VSTM5: variants seen among roughly 807,000 people sequenced by gnomAD.
The protein encoded by VSTM5 is V-set and transmembrane domain-containing protein 5.
Under a neutral mutation model 20.3 loss-of-function variants are expected in VSTM5, and 21 were observed. The observed-to-expected ratio is 1.03, with a 90% CI of 0.73 to 1.49. The LOEUF (loss-of-function observed/expected upper bound fraction) is 1.49, where lower values mean the gene tolerates loss of function less well. Among genes scored for constraint, VSTM5 ranks in the 40% most tolerant of loss-of-function variants. The pLI is 0.00. For missense variants in VSTM5, 219 were observed against 250.0 expected, an observed-to-expected ratio of 0.88 and a Z score of 0.84; for synonymous variants, 100 against 102.5, an observed-to-expected ratio of 0.98 and a Z score of 0.14.
intron 1 of VSTM5, among the ~76,000 whole-genome samples, chr11:93,838,284 C>T (rs1025674640): frequency 1.3e-5 from 2 of 152,002 alleles, no homozygotes; most frequent in African/African-American, 4.8e-5. Flanking sequence ...ACCAGCCTGG[C>T]CAATGTGGTG....
chr11:93,830,478 G>A (rs1228566999), intron 1 of VSTM5, among the ~76,000 whole-genome samples: 1 of 152,254 alleles, frequency 6.6e-6, no homozygotes, highest in Non-Finnish European at 1.5e-5. Context: ...AGAGAGAATT[G>A]TTGTCCTATT....
chr11:93,850,498 C>T lies in VSTM5; in HGVS notation c.5G>A (p.Arg2Lys). 1.3e-6 allele frequency: 2 copies of T among 1,549,368 alleles called. No individual in the cohort carries two copies. Among genetic ancestry groups the T allele is most frequent in the Non-Finnish European group, 1.7e-6 (2 of 1,146,322 alleles). Residue 2 changes from arginine to lysine, a missense_variant, in exon 1 of 4, where the codon AGG (arginine) becomes AAG (lysine). Transcript: ENST00000409977. ...CTTCCTCCTCCCGCTGGGCAGAGGCCTCATGGGCGAGCCCGGGGCCTCGCG... is the reference window on the plus strand; with the variant it reads ...CTTCCTCCTCCCGCTGGGCAGAGGCTTCATGGGCGAGCCCGGGGCCTCGCG... Reference protein sequence around the residue: MRPLPSGRRKTR... With the variant: MKPLPSGRRKTR...
At chr11:93,834,775 T>C (rs1944310662) in intron 1 of VSTM5, among the ~76,000 whole-genome samples, 1 of 105,272 alleles carries the variant, frequency 9.5e-6, no homozygotes. Context: ...AGAGTGAGAC[T>C]CCGTCTCAAA....
At chr11:93,837,841 A>G (rs1470871874) in intron 1 of VSTM5, among the ~76,000 whole-genome samples, 1 of 152,138 alleles carries the variant, frequency 6.6e-6, no homozygotes, top group Non-Finnish European at 1.5e-5. Context: ...ACACACCCAT[A>G]AAAAAAGGAA....
chr11:93,822,624 C>T (rs1465758055), intron 1 of VSTM5, among the ~76,000 whole-genome samples: 2 of 152,078 alleles, frequency 1.3e-5, no homozygotes, highest in East Asian at 3.9e-4. Context: ...GGATTACAGG[C>T]ATGTGCCACC....
chr11:93,846,778 T>TG (rs1555039439), intron 1 of VSTM5, among the ~76,000 whole-genome samples: 1,373 of 57,290 alleles, frequency 0.024, 13 homozygotes, highest in African/African-American at 0.094. Flanking sequence ...TTTTTTTTTT[T>TG]TTTTTTTGAG....
At chr11:93,836,801 C>T (rs911075491) in intron 1 of VSTM5, among the ~76,000 whole-genome samples, 1 of 152,098 alleles carries the variant, frequency 6.6e-6, no homozygotes, top group Admixed American at 6.6e-5. Flanking sequence ...GTTGCAGCCC[C>T]AGAACTTTGC....
chr11:93,830,095 G>A (rs973829053), intron 1 of VSTM5, among the ~76,000 whole-genome samples: 1 of 152,172 alleles, frequency 6.6e-6, no homozygotes, highest in Non-Finnish European at 1.5e-5. Flanking sequence ...GGGACTTGGT[G>A]ATTAAGAAGT....
Position 93,820,074 on chromosome 11 carries a change from T to G in VSTM5, c.*495A>C. On this transcript the variant is annotated 3_prime_UTR_variant, in exon 4 of 4. Transcript: ENST00000409977. ...CTAAAAGCCTCAGGTTTTCTCACAATAGCTCCCACAGCAGTGCTTGCTTGT... is the reference window on the plus strand; with the variant it reads ...CTAAAAGCCTCAGGTTTTCTCACAAGAGCTCCCACAGCAGTGCTTGCTTGT... 1 of 166,948 alleles carries G rather than the reference T, an allele frequency of 6.0e-6. No individual in the cohort carries two copies. Among genetic ancestry groups the G allele is most frequent in the South Asian group, 1.7e-4 (1 of 6,048 alleles). 10.3% of individuals were successfully genotyped at this position (166,948 alleles called of 1,614,324 possible).
chr11:93,819,199 T>G lies in VSTM5; in HGVS notation c.*1370A>C, dbSNP rs963069946. On this transcript the variant is annotated 3_prime_UTR_variant, in exon 4 of 4. Transcript: ENST00000409977. ...GGAATGTTCTAAGACTTCTTAACCT[T>G]TGCATGGGTGAATTTGCAACTGAGG... 2 of 152,254 alleles carry G rather than the reference T, an allele frequency of 1.3e-5. No homozygotes were observed. Among genetic ancestry groups the G allele is most frequent in the African/African-American group, 2.4e-5 (1 of 41,466 alleles). 9.4% of individuals were successfully genotyped at this position (152,254 alleles called of 1,614,324 possible).
In VSTM5 at chr11:93,824,310, C is replaced by T. The variant is rs111611775; in HGVS notation, c.92-2987G>A. On this transcript the variant is annotated intron_variant, in intron 1 of 3. Coordinates refer to ENST00000409977, the MANE Select transcript of VSTM5 (RefSeq NM_001144871.2). ...ACATTGTGCAAGGGTTCCCTTTCTC[C>T]ATATCTTGACCAACATTTGTCACCT... 8.4e-3 allele frequency among the ~76,000 whole-genome samples: 1,285 copies of T among 152,132 alleles called. 24 individuals are homozygous for T. The highest frequency in any genetic ancestry group is 0.029 in the African/African-American group (1,224 of 41,520).
chr11:93,828,245 A>G (rs1215614438), intron 1 of VSTM5, among the ~76,000 whole-genome samples: 1 of 152,204 alleles, frequency 6.6e-6, no homozygotes, highest in Non-Finnish European at 1.5e-5. Flanking sequence ...GTCACATAGT[A>G]GAAGATTTTA....
intron 1 of VSTM5, among the ~76,000 whole-genome samples, chr11:93,845,470 T>C (rs571298715): frequency 1.3e-5 from 2 of 152,306 alleles, no homozygotes; most frequent in African/African-American, 4.8e-5. Flanking sequence ...TACTGTCCAG[T>C]GTGTCATTTT....
intron 1 of VSTM5, among the ~76,000 whole-genome samples, chr11:93,848,284 T>A (rs2135741953): frequency 6.6e-6 from 1 of 152,342 alleles, no homozygotes; most frequent in African/African-American, 2.4e-5. Context: ...TCATTATGAC[T>A]GGCTCCAAAG....
intron 1 of VSTM5, among the ~76,000 whole-genome samples, chr11:93,822,771 G>A (rs1211313684): frequency 6.6e-6 from 1 of 152,114 alleles, no homozygotes; most frequent in African/African-American, 2.4e-5. Context: ...TTACAGGCAT[G>A]AGCCACCATG....
Position 93,820,271 on chromosome 11 carries a change from C to A in VSTM5, c.*298G>T. The A allele has an allele frequency of 2.5e-6, 1 of 406,400 alleles. No individual in the cohort carries two copies. The highest frequency in any genetic ancestry group is 2.6e-5 in the South Asian group (1 of 38,400). The allele number at this position is 406,400 out of a possible 1,614,324, so 25.2% of individuals were successfully genotyped here. A position where few individuals can be genotyped will look rare whatever the true frequency, so the allele number is the denominator to read the frequency against. On this transcript the variant is annotated 3_prime_UTR_variant, in exon 4 of 4. Coordinates refer to ENST00000409977, the MANE Select transcript of VSTM5 (RefSeq NM_001144871.2). Reference sequence around the variant, plus strand: ...AGAGCAAGTGTCGTGAGCAAGCAGCCAACGCCTGCACTCACCCATTGGTTA... The same window carrying A: ...AGAGCAAGTGTCGTGAGCAAGCAGCAAACGCCTGCACTCACCCATTGGTTA...
At chr11:93,822,918 C>T (rs989280548) in intron 1 of VSTM5, among the ~76,000 whole-genome samples, 13 of 152,102 alleles carry the variant, frequency 8.5e-5, no homozygotes, top group African/African-American at 3.1e-4. Context: ...GAACTAGTGA[C>T]GAATCTATAT....
At chr11:93,845,749 C>T (rs1944407105) in intron 1 of VSTM5, among the ~76,000 whole-genome samples, 1 of 152,174 alleles carries the variant, frequency 6.6e-6, no homozygotes. Flanking sequence ...CATGCTAGGG[C>T]AACTTCCACT....
chr11:93,850,601 G>T lies in VSTM5; in HGVS notation c.-99C>A. 1.6e-6 allele frequency: 1 copy of T among 614,854 alleles called. No individual in the cohort carries two copies. 38.1% of individuals were successfully genotyped at this position (614,854 alleles called of 1,614,324 possible). On this transcript the variant is annotated 5_prime_UTR_variant, in exon 1 of 4. The change creates a new upstream start codon in the 5' untranslated region. Transcript: ENST00000409977. The stretch of plus-strand genomic sequence containing the variant: ...TCTTCCTCCGCCTCTGGCTGCCGCA[G>T]GTTCTTTAGGGCCAGATGCAGATGA...
Sources: gnomAD v4.1 joint callset for allele counts (sites outside exome capture counted in the v4.1 genomes callset) on GRCh38, gnomAD v4.1.1 for gene constraint, MANE v1.5 for transcripts, NCBI Gene and HGNC (gene_info 2026-07-23, HGNC 2026-07-21) for gene names.